SMG5: variants seen among roughly 807,000 people sequenced by gnomAD.
SMG5 encodes the protein SMG5 nonsense mediated mRNA decay factor, also known as nonsense-mediated mRNA decay factor SMG5.
In SMG5, 53 loss-of-function variants were observed where a neutral mutation model predicts 122.9. The ratio of observed to expected loss-of-function variants is 0.43; its 90% CI spans 0.35 to 0.54. The LOEUF (loss-of-function observed/expected upper bound fraction) is 0.54. SMG5 is among the 20% of genes least tolerant of loss of function. SMG5 has a pLI of 0.01. For missense variants in SMG5, 1,153 were observed against 1,285.6 expected, an observed-to-expected ratio of 0.90 and a Z score of 1.58; for synonymous variants, 477 against 490.2, an observed-to-expected ratio of 0.97 and a Z score of 0.35.
chr1:156,258,956 G>C, intron 16 of SMG5, 49 bp downstream of exon 16: 1 of 1,607,426 alleles, frequency 6.2e-7, no homozygotes. Context: ...TGGTTTCTCA[G>C]TGAGCCCAAT....
upstream of SMG5, chr1:156,286,489 G>T (rs769527529): frequency 6.2e-7 from 1 of 1,613,086 alleles, no homozygotes; most frequent in African/African-American, 1.3e-5. Context: ...TTGGGGCAGA[G>T]GGTGGGGCAT....
chr1:156,289,543 C>T, the SMG5 span, among the ~76,000 whole-genome samples: 1 of 152,134 alleles, frequency 6.6e-6, no homozygotes, highest in Admixed American at 6.5e-5. Context: ...ACCTGGGAGG[C>T]GGAGCTTGCA....
chr1:156,259,188 C>A, intron 15 of SMG5, 25 bp from the exon 16 acceptor site: 1 of 1,539,546 alleles, frequency 6.5e-7, no homozygotes, highest in South Asian at 1.3e-5. Flanking sequence ...AGGAGCCCAG[C>A]GCTGCTGAGC....
intron 5 of SMG5, 91 bp from the exon 6 acceptor site, chr1:156,273,541 A>ACT: frequency 1.6e-6 from 2 of 1,234,892 alleles, no homozygotes; most frequent in Non-Finnish European, 2.3e-6. Context: ...GAGAGTGGTA[A>ACT]CAAGAGCCTG....
rs1168611739 is a variant in SMG5 at position 156,266,563 on chromosome 1, C to T, written c.1233G>A (p.Pro411=). 8 of 1,613,998 alleles carry T rather than the reference C, an allele frequency of 5.0e-6. No homozygotes were observed. The highest frequency in any genetic ancestry group is 1.6e-4 in the Middle Eastern group (1 of 6,082). The stretch of plus-strand genomic sequence containing the variant: ...CACCTGTGCCATCACTCTGGAATGC[C>T]GGGACGGGATTCTCGCCCTCTTCCA... The part of the protein sequence containing the change: ...AELEEGENPV[P]AFQSDGTDEP... Residue 411 remains proline, a synonymous_variant, in exon 11 of 22, where the codon CCG becomes CCA. Transcript: ENST00000361813.
At chr1:156,252,534 A>G in intron 18 of SMG5, 30 bp from the exon 19 acceptor site, 1 of 1,606,604 alleles carries the variant, frequency 6.2e-7, no homozygotes, top group Non-Finnish European at 8.5e-7. Context: ...AAGACAAAAC[A>G]GATAAGCTCA....
rs1328590253 is a variant in SMG5 at position 156,282,664 on chromosome 1, G to A, written c.17C>T (p.Pro6Leu). 1 of 1,605,814 alleles carries A rather than the reference G, an allele frequency of 6.2e-7. No homozygotes were observed. The highest frequency in any genetic ancestry group is 1.7e-4 in the Middle Eastern group (1 of 6,058). MSQGP[P>L]TGESSEPEAK... ...TTCGGGCTCGCTGCTCTCCCCTGTGGGGGGGCCTTGGCTCATGGTGCCCGG... is the reference window on the plus strand; with the variant it reads ...TTCGGGCTCGCTGCTCTCCCCTGTGAGGGGGCCTTGGCTCATGGTGCCCGG... The change falls in exon 1 of 22, where the codon CCC (proline) becomes CTC (leucine). Residue 6 changes from proline (P) to leucine (L), a missense_variant. Pro to Leu is a moderately conservative substitution (Grantham distance 98). Coordinates refer to ENST00000361813, the MANE Select transcript of SMG5 (RefSeq NM_015327.3).
At chr1:156,278,564 G>A (rs559950674) in intron 2 of SMG5, among the ~76,000 whole-genome samples, 1 of 152,100 alleles carries the variant, frequency 6.6e-6, no homozygotes, top group African/African-American at 2.4e-5. Flanking sequence ...ACTGGGTCTT[G>A]TTATGTTGCC....
At chr1:156,276,270 G>A (rs1169121271) in intron 4 of SMG5, among the ~76,000 whole-genome samples, 1 of 151,854 alleles carries the variant, frequency 6.6e-6, no homozygotes, top group African/African-American at 2.4e-5. Flanking sequence ...GGGATTATAG[G>A]TGCACGCCAC....
chr1:156,289,263 A>G, the SMG5 span, among the ~76,000 whole-genome samples: 1 of 152,310 alleles, frequency 6.6e-6, no homozygotes, highest in Middle Eastern at 3.4e-3. Flanking sequence ...TCATGAGGTC[A>G]GGAGATCGAG....
Position 156,266,230 on chromosome 1 carries a change from C to T in SMG5, c.1406G>A (p.Gly469Asp). 2 of 1,614,262 alleles carry T rather than the reference C, an allele frequency of 1.2e-6. No homozygotes were observed. The highest frequency in any genetic ancestry group is 1.7e-6 in the Non-Finnish European group (2 of 1,180,050). ...GCCTTCACTCAGGTCACTGTCATCA[C>T]CAACTTTGGGTGGGTGGCGGCGACG... ...LRRRRHPPKV[G>D]DDSDLSEGFE... Residue 469 changes from glycine (G) to aspartate (D), a missense_variant, in exon 12 of 22, where the codon GGT (glycine) becomes GAT (aspartate). Around this residue, in one of 5 missense-constraint regions of SMG5, gnomAD observed 631 missense variants for 650.6 expected, o/e 0.97. Transcript: ENST00000361813.
Position 156,250,652 on chromosome 1 carries a change from C to A in SMG5, c.2986G>T (p.Ala996Ser). 6.2e-7 allele frequency: 1 copy of A among 1,614,136 alleles called. No individual in the cohort carries two copies. The highest frequency in any genetic ancestry group is 8.5e-7 in the Non-Finnish European group (1 of 1,180,016). ...GPMQAALQAAAHASVDIKNVL... is the reference protein window; with the variant it reads ...GPMQAALQAASHASVDIKNVL... ...TTCTTGATGTCCACACTGGCGTGGG[C>A]AGCGGCCTGCAGGGCTGCCTGTGGA... The change falls in exon 22 of 22, where the codon GCC becomes TCC. Residue 996 changes from alanine (A) to serine (S), a missense_variant. Physicochemically the swap from Ala to Ser is moderately conservative, Grantham distance 99. Transcript: ENST00000361813.
intron 7 of SMG5, among the ~76,000 whole-genome samples, chr1:156,271,283 T>C (rs1047243589): frequency 5.3e-5 from 8 of 152,228 alleles, no homozygotes. Context: ...GGATATACTT[T>C]AGTAGTTGAC....
rs374832304 is a variant in SMG5, at chr1:156,267,547, T to C, written c.1040A>G (p.Tyr347Cys). ...SEDEEEYESGYAFLPDLLIFQ... is the reference protein window; with the variant it reads ...SEDEEEYESGCAFLPDLLIFQ... ...GATGAGAAGGTCCGGGAGGAAAGCA[T>C]ATCCACTCTCATACTCCTCCTCATC... The change falls in exon 10 of 22, where the codon TAT becomes TGT. Residue 347 changes from tyrosine to cysteine, a missense_variant. Physicochemically the swap from Tyr to Cys is radical, Grantham distance 194. Transcript: ENST00000361813. The C allele has an allele frequency of 1.8e-5, 29 of 1,613,988 alleles. No individual in the cohort carries two copies. Among genetic ancestry groups the C allele is most frequent in the Non-Finnish European group, 2.5e-5 (29 of 1,180,034 alleles).
the SMG5 span, among the ~76,000 whole-genome samples, chr1:156,288,602 T>G: frequency 6.6e-6 from 1 of 152,092 alleles, no homozygotes; most frequent in African/African-American, 2.4e-5. Context: ...CCACCCAAAG[T>G]GCTGGGATTA....
intron 9 of SMG5, 82 bp from the exon 10 acceptor site, chr1:156,267,760 A>G: frequency 7.9e-7 from 1 of 1,260,670 alleles, no homozygotes; most frequent in Non-Finnish European, 1.1e-6. Context: ...GATTCAGAGA[A>G]AGGACTATGG....
chr1:156,252,813 A>C (rs1462322450), intron 18 of SMG5, 106 bp downstream of exon 18: 14 of 1,241,162 alleles, frequency 1.1e-5, no homozygotes, highest in Non-Finnish European at 4.4e-6. Context: ...GTAAGACTTG[A>C]CCAAGGTTAC....
intron 8 of SMG5, 49 bp downstream of exon 8, chr1:156,268,241 A>G (rs1385472614): frequency 6.2e-7 from 1 of 1,613,938 alleles, no homozygotes; most frequent in Non-Finnish European, 8.5e-7. Flanking sequence ...CTATGGTCCT[A>G]CTGCACCAAC....
At chr1:156,282,860 A>T (rs1037290320), upstream of SMG5, 1 of 627,510 alleles carries the variant, frequency 1.6e-6, no homozygotes, top group East Asian at 2.9e-5. Flanking sequence ...TCGCGATGGC[A>T]GCCGCACAGT....
Sources: allele counts gnomAD v4.1 joint callset (sites outside exome capture counted in the v4.1 genomes callset), GRCh38; gene constraint gnomAD v4.1.1; regional missense constraint gnomAD v4.1.1; transcripts MANE v1.5; gene names NCBI Gene and HGNC (gene_info 2026-07-23, HGNC 2026-07-21).